DNAI4: variants seen among roughly 807,000 people sequenced by gnomAD.
DNAI4 encodes dynein axonemal intermediate chain 4.
Under a neutral mutation model 105.8 loss-of-function variants are expected in DNAI4, and 85 were observed. The ratio of observed to expected loss-of-function variants is 0.80; its 90% CI spans 0.67 to 0.96. DNAI4 has a LOEUF of 0.96. DNAI4 is among the 40% of genes least tolerant of loss of function. DNAI4 has a pLI of 0.00. For missense variants in DNAI4, 1,014 were observed against 1,005.6 expected (o/e 1.01, Z -0.11); for synonymous variants, 352 against 331.5 (o/e 1.06, Z -0.67).
intron 3 of DNAI4, 126 bp from the exon 4 acceptor site, chr1:66,891,392 T>C: frequency 1.7e-6 from 1 of 592,506 alleles, no homozygotes; most frequent in Non-Finnish European, 2.9e-6. Context: ...GCAAAATAGA[T>C]ACATTAATTT....
chr1:66,905,326 T>C lies in DNAI4; in HGVS notation c.220A>G (p.Lys74Glu), dbSNP rs1374682690. 1.3e-6 allele frequency: 2 copies of C among 1,526,476 alleles called. No homozygotes were observed. Among genetic ancestry groups the C allele is most frequent in the East Asian group, 4.6e-5 (2 of 43,396 alleles). 94.6% of individuals were successfully genotyped at this position (1,526,476 alleles called of 1,614,324 possible). A position where few individuals can be genotyped will look rare whatever the true frequency, so the allele number is the denominator to read the frequency against. ...GTATATCCTTTCACTGAAGTTGCTTTCATTGTAGCAAAAAAGCTAATAGAC... is the reference window on the plus strand; with the variant it reads ...GTATATCCTTTCACTGAAGTTGCTTCCATTGTAGCAAAAAAGCTAATAGAC... ...KKSISFFATM[K>E]ATSVKGYTGA... Residue 74 changes from lysine to glutamate, a missense_variant, in exon 2 of 17, where the codon AAA becomes GAA. Lys to Glu is a moderately conservative substitution (Grantham distance 56). Coordinates refer to ENST00000371026, the MANE Select transcript of DNAI4 (RefSeq NM_024763.5).
intron 8 of DNAI4, among the ~76,000 whole-genome samples, chr1:66,844,286 C>T (rs886211381): frequency 2.6e-5 from 4 of 151,890 alleles, no homozygotes; most frequent in East Asian, 1.9e-4. Context: ...TAGGCCTGGG[C>T]GCAGTGGCTC....
chr1:66,897,753 AT>A (rs1648452366), intron 2 of DNAI4, among the ~76,000 whole-genome samples: 1 of 152,238 alleles, frequency 6.6e-6, no homozygotes, highest in African/African-American at 2.4e-5. Flanking sequence ...TCCACATGGC[AT>A]TAATTCTGCA....
At chr1:66,912,562 T>A (rs1163324278) in intron 1 of DNAI4, among the ~76,000 whole-genome samples, 1 of 152,214 alleles carries the variant, frequency 6.6e-6, no homozygotes, top group Non-Finnish European at 1.5e-5. Context: ...TGTTCCACCT[T>A]TCTGGATGGA....
At chr1:66,877,540 G>C (rs1393820952) in intron 4 of DNAI4, among the ~76,000 whole-genome samples, 1 of 152,060 alleles carries the variant, frequency 6.6e-6, no homozygotes, top group Admixed American at 6.6e-5. Context: ...TAGAGTTTCT[G>C]TATACCCTAT....
chr1:66,869,009 G>C (rs1455802371), intron 6 of DNAI4, among the ~76,000 whole-genome samples: 2 of 151,752 alleles, frequency 1.3e-5, no homozygotes, highest in African/African-American at 4.8e-5. Context: ...AGGAGGCGGA[G>C]GTTGCAGTGA....
chr1:66,915,140 T>C (rs1649973961), intron 1 of DNAI4, among the ~76,000 whole-genome samples: 1 of 152,228 alleles, frequency 6.6e-6, no homozygotes, highest in Non-Finnish European at 1.5e-5. Context: ...TAATCTTTAA[T>C]AAATAAGACA....
intron 1 of DNAI4, among the ~76,000 whole-genome samples, chr1:66,906,373 G>A (rs1277556706): frequency 6.6e-6 from 1 of 152,062 alleles, no homozygotes; most frequent in Non-Finnish European, 1.5e-5. Context: ...ATAAAATGGG[G>A]ATGAGCCTCC....
chr1:66,909,489 T>C (rs192048015), intron 1 of DNAI4, among the ~76,000 whole-genome samples: 5 of 146,168 alleles, frequency 3.4e-5, no homozygotes, highest in South Asian at 2.1e-4. Flanking sequence ...TCTTTTCTCT[T>C]TTTTTTTTTT....
intron 7 of DNAI4, 62 bp downstream of exon 7, chr1:66,862,085 A>G (rs1646637837): frequency 2.0e-6 from 3 of 1,472,178 alleles, no homozygotes; most frequent in East Asian, 4.8e-5. Flanking sequence ...CTGCCAAAAA[A>G]GAATTTATTA....
At chr1:66,891,394 C>CA (rs1647632318) in intron 3 of DNAI4, 128 bp from the exon 4 acceptor site, 2 of 585,150 alleles carry the variant, frequency 3.4e-6, no homozygotes, top group Admixed American at 3.4e-5. Flanking sequence ...AAAATAGATA[C>CA]ATTAATTTTT....
In DNAI4 at chr1:66,834,044, G is replaced by A. The variant is rs760931273; in HGVS notation, c.1838C>T (p.Ser613Leu). Reference sequence around the variant, plus strand: ...CCATTTGGAGATTCTTCCATCTGCTGATATAGAAACTAGTATTTCTCTTTT... The same window carrying A: ...CCATTTGGAGATTCTTCCATCTGCTAATATAGAAACTAGTATTTCTCTTTT... ...DGKREILVSI[S>L]ADGRISKWVI... Residue 613 changes from serine to leucine, a missense_variant, in exon 12 of 17, where the codon TCA (serine) becomes TTA (leucine). Ser to Leu is a moderately radical substitution (Grantham distance 145, BLOSUM62 -2). Coordinates refer to ENST00000371026, the MANE Select transcript of DNAI4 (RefSeq NM_024763.5). The A allele has an allele frequency of 1.9e-6, 3 of 1,612,108 alleles. No individual in the cohort carries two copies. The highest frequency in any genetic ancestry group is 1.7e-6 in the Non-Finnish European group (2 of 1,179,104).
chr1:66,840,804 G>T, intron 8 of DNAI4, 133 bp from the exon 9 acceptor site: 1 of 934,308 alleles, frequency 1.1e-6, no homozygotes, highest in Non-Finnish European at 1.6e-6. Context: ...TGGTGCAAGT[G>T]GCAGGGCACC....
rs1336775204 is a variant in DNAI4 at position 66,822,457 on chromosome 1, A to G, written c.2400T>C (p.Phe800=). The G allele has an allele frequency of 7.4e-6, 12 of 1,613,284 alleles. No individual in the cohort carries two copies. The highest frequency in any genetic ancestry group is 1.0e-5 in the Non-Finnish European group (12 of 1,179,714). ...NPGIKFTTIL[F]AKQTDCLLVG... ...CCAGAAGGCAATCTGTTTGTTTGGC[A>G]AAGAGAATGGTTGTGAACTTGATTC... is the stretch of plus-strand genomic sequence containing the variant. The change falls in exon 16 of 17, where the codon TTT becomes TTC. Residue 800 remains phenylalanine, a synonymous_variant. Coordinates refer to ENST00000371026, the MANE Select transcript of DNAI4 (RefSeq NM_024763.5).
chr1:66,902,129 G>A (rs556250966), intron 2 of DNAI4, among the ~76,000 whole-genome samples: 39 of 152,188 alleles, frequency 2.6e-4, no homozygotes, highest in African/African-American at 8.9e-4. Context: ...CACCATGCCT[G>A]GCCCTACAAT....
chr1:66,881,295 T>G (rs1383230163), intron 4 of DNAI4, among the ~76,000 whole-genome samples: 1 of 152,060 alleles, frequency 6.6e-6, no homozygotes. Context: ...CCCAGAATGG[T>G]AGATCCACTG....
intron 8 of DNAI4, among the ~76,000 whole-genome samples, chr1:66,847,175 T>C (rs1646294660): frequency 6.6e-6 from 1 of 152,248 alleles, no homozygotes; most frequent in Admixed American, 6.5e-5. Context: ...CATTTAGTGC[T>C]GAAAGCTTTA....
intron 13 of DNAI4, among the ~76,000 whole-genome samples, chr1:66,828,877 CT>C (rs1274813769): frequency 1.3e-5 from 2 of 152,010 alleles, no homozygotes; most frequent in African/African-American, 4.8e-5. Flanking sequence ...AATCGAATTC[CT>C]TTTTTAATAT....
chr1:66,905,295 G>A lies in DNAI4; in HGVS notation c.251C>T (p.Ala84Val). The change falls in exon 2 of 17, where the codon GCA (alanine) becomes GTA (valine). Residue 84 changes from alanine (A) to valine (V), a missense_variant. Transcript: ENST00000371026. ...GGACACAGCCATTCTGCTTTGATTTGCACCAGTATATCCTTTCACTGAAGT... is the reference window on the plus strand; with the variant it reads ...GGACACAGCCATTCTGCTTTGATTTACACCAGTATATCCTTTCACTGAAGT... ...KATSVKGYTG[A>V]NQSRMAVSKT... The A allele has an allele frequency of 6.3e-7, 1 of 1,580,056 alleles. No individual in the cohort carries two copies.
Sources: allele counts gnomAD v4.1 joint callset (sites outside exome capture counted in the v4.1 genomes callset), GRCh38; gene constraint gnomAD v4.1.1; transcripts MANE v1.5; gene names NCBI Gene and HGNC (gene_info 2026-07-23, HGNC 2026-07-21).